Variants in UNC79 observed in about 807,000 individuals in gnomAD.
The protein encoded by UNC79 is unc-79 subunit of NALCN channel complex, also known as protein unc-79 homolog.
In UNC79, 37 loss-of-function variants were observed where a neutral mutation model predicts 283.1. That is an observed-to-expected ratio of 0.13 (90% CI 0.10 to 0.17). The LOEUF (loss-of-function observed/expected upper bound fraction) is 0.17, where lower values mean the gene tolerates loss of function less well. Among genes scored for constraint, UNC79 ranks in the 10% least tolerant of loss-of-function variants. UNC79 has a pLI of 1.00. For missense variants in UNC79, 2,272 were observed against 3,211.1 expected (o/e 0.71, Z 7.07); for synonymous variants, 1,107 against 1,200.2 (o/e 0.92, Z 1.61).
intron 1 of UNC79, among the ~76,000 whole-genome samples, chr14:93,408,595 G>A (rs1296052130): frequency 6.6e-6 from 1 of 152,168 alleles, no homozygotes; most frequent in Non-Finnish European, 1.5e-5. Context: ...AGGAGGCTGA[G>A]GCGGGAAGAT....
intron 11 of UNC79, 96 bp downstream of exon 11, chr14:93,532,674 C>T: frequency 6.9e-7 from 1 of 1,450,698 alleles, no homozygotes; most frequent in South Asian, 1.2e-5. Context: ...ACCGTGGTTT[C>T]CAGTATATGC....
chr14:93,488,671 T>C (rs2058573111), intron 5 of UNC79, among the ~76,000 whole-genome samples: 1 of 152,200 alleles, frequency 6.6e-6, no homozygotes, highest in African/African-American at 2.4e-5. Context: ...TGATAAGCAG[T>C]AAACATTTAT....
exon 5 of UNC79, chr14:93,487,708 C>T (rs1226166460): frequency 1.9e-6 from 3 of 1,613,918 alleles, no homozygotes; most frequent in Non-Finnish European, 2.5e-6. Flanking sequence ...GTTAACCTCT[C>T]TGCATCATCC....
At chr14:93,496,339 A>T (rs2059011447) in intron 5 of UNC79, 72 bp from the exon 6 acceptor site, 2 of 984,738 alleles carry the variant, frequency 2.0e-6, no homozygotes, top group Non-Finnish European at 2.9e-6. Context: ...GTAATTTCTT[A>T]TATATGTATA....
At chr14:93,467,765 G>A (rs2057289103) in exon 2 of UNC79, 2 of 1,489,648 alleles carry the variant, frequency 1.3e-6, no homozygotes, top group African/African-American at 1.4e-5. Context: ...CAAACACCTT[G>A]AAATACTTTT....
chr14:93,532,492 A>G, intron 10 of UNC79, 58 bp from the exon 11 acceptor site: 1 of 1,570,182 alleles, frequency 6.4e-7, no homozygotes, highest in Non-Finnish European at 8.6e-7. Flanking sequence ...AATTAATTAA[A>G]TAAAAATTAG....
In UNC79 at chr14:93,651,912, A is replaced by ATTT. The variant is rs71129653; in HGVS notation, c.6084-1804_6084-1802dup. Among the ~76,000 whole-genome samples, 100 of 46,598 alleles carry ATTT rather than the reference A, an allele frequency of 2.1e-3. 3 individuals are homozygous for ATTT. The highest frequency in any genetic ancestry group is 3.7e-3 in the Admixed American group (12 of 3,270). 30.6% of individuals were successfully genotyped at this position (46,598 alleles called of 152,430 possible). On this transcript the variant is annotated intron_variant, in intron 35 of 48. Transcript: ENST00000555664. ...CACCACCATACCTGGCTAATTTTGT[A>ATTT]TTTTTTTTTTTTTTTTTTTTTTTTT... is the stretch of plus-strand genomic sequence containing the variant.
At chr14:93,429,232 A>T (rs1422230606), upstream of UNC79, among the ~76,000 whole-genome samples, 1 of 152,186 alleles carries the variant, frequency 6.6e-6, no homozygotes, top group Non-Finnish European at 1.5e-5. Context: ...TTTTACTCAG[A>T]ACGAACTCTT....
intron 41 of UNC79, among the ~76,000 whole-genome samples, chr14:93,679,679 G>A (rs1342741604): frequency 6.6e-6 from 1 of 152,132 alleles, no homozygotes; most frequent in Non-Finnish European, 1.5e-5. Flanking sequence ...AGTTGAGTTC[G>A]TAACAATGTG....
At chr14:93,646,016 A>C (rs59081955) in intron 34 of UNC79, among the ~76,000 whole-genome samples, 1 of 152,148 alleles carries the variant, frequency 6.6e-6, no homozygotes, top group African/African-American at 2.4e-5. Flanking sequence ...AGTATAGTCC[A>C]TTCTCTTTCT....
At chr14:93,471,500 A>C (rs11623158) in intron 2 of UNC79, among the ~76,000 whole-genome samples, 2,138 of 152,138 alleles carry the variant, frequency 0.014, 23 homozygotes, top group Middle Eastern at 0.038. Context: ...TTGGGTTTAC[A>C]GAACTGTGGG....
chr14:93,406,856 AC>A (rs2055236631), intron 1 of UNC79, among the ~76,000 whole-genome samples: 1 of 152,194 alleles, frequency 6.6e-6, no homozygotes, highest in South Asian at 2.1e-4. Flanking sequence ...ATAACAAAGT[AC>A]TATAAACTAG....
At chr14:93,415,229 G>A in intron 1 of UNC79, among the ~76,000 whole-genome samples, 1 of 152,146 alleles carries the variant, frequency 6.6e-6, no homozygotes, top group Non-Finnish European at 1.5e-5. Flanking sequence ...TTAGCATGAA[G>A]GGTTGTTGAA....
chr14:93,461,972 A>AAAAG (rs113022011), intron 1 of UNC79, among the ~76,000 whole-genome samples: 118,750 of 145,728 alleles, frequency 0.81, 48,981 homozygotes, highest in East Asian at 0.92. Context: ...CAAAAAAAAA[A>AAAAG]AAAGAAAGAA....
rs778934647 is a variant in UNC79 at position 93,673,393 on chromosome 14, C to T, written c.6679C>T (p.Leu2227Phe). ...CTTGTCTCGTAGTGTTGTTCTAGAA[C>T]TTCTGCAGGCCCTAAAGCTCAAATC... Residue 2227 changes from leucine to phenylalanine, a missense_variant, in exon 41 of 49, where the codon CTT (leucine) becomes TTT (phenylalanine). By Grantham distance (22) the Leu-to-Phe change is conservative. This residue lies in a region of UNC79 where 287 missense variants were observed against 446.4 expected (regional missense o/e 0.64). Coordinates refer to ENST00000555664, the Ensembl canonical transcript of UNC79. The T allele has an allele frequency of 2.5e-6, 4 of 1,613,484 alleles. No homozygotes were observed. The South Asian group carries it at 4.4e-5, about 18-fold the overall frequency.
intron 14 of UNC79, among the ~76,000 whole-genome samples, chr14:93,567,233 G>T (rs2062945636): frequency 6.6e-6 from 1 of 151,798 alleles, no homozygotes; most frequent in South Asian, 2.1e-4. Context: ...TCTTTCTGTT[G>T]TATTTTTTTG....
intron 1 of UNC79, among the ~76,000 whole-genome samples, chr14:93,434,103 C>T (rs1157407601): frequency 6.6e-6 from 1 of 151,952 alleles, no homozygotes; most frequent in Non-Finnish European, 1.5e-5. Flanking sequence ...ATCCCAGCTA[C>T]TCAGGAGGCT....
chr14:93,528,180 C>T (rs1019218288), intron 8 of UNC79, among the ~76,000 whole-genome samples: 1 of 152,080 alleles, frequency 6.6e-6, no homozygotes, highest in Non-Finnish European at 1.5e-5. Flanking sequence ...TTTCCTTTTC[C>T]TAATGAGAAA....
At chr14:93,653,715 T>G (rs1481693638) in intron 35 of UNC79, 27 bp from the exon 39 acceptor site, 5 of 1,597,306 alleles carry the variant, frequency 3.1e-6, no homozygotes, top group Non-Finnish European at 4.3e-6. Context: ...CATGACTTCG[T>G]GTCTTTTCTC....
Sources: allele counts gnomAD v4.1 joint callset (sites outside exome capture counted in the v4.1 genomes callset), GRCh38; gene constraint gnomAD v4.1.1; regional missense constraint gnomAD v4.1.1; transcripts MANE v1.5; gene names NCBI Gene and HGNC (gene_info 2026-07-23, HGNC 2026-07-21).